SCAMP4: variants seen among roughly 807,000 people sequenced by gnomAD.
SCAMP4 encodes the protein secretory carrier-associated membrane protein 4.
Under a neutral mutation model 32.1 loss-of-function variants are expected in SCAMP4, and 19 were observed. The ratio of observed to expected loss-of-function variants is 0.59; its 90% CI spans 0.41 to 0.87. The LOEUF is 0.87. Ranked by LOEUF, SCAMP4 falls within the 40% of genes least tolerant of loss-of-function variation. The probability of loss-of-function intolerance (pLI) is 0.00; values close to 1 mark genes in which losing one functional copy is unlikely to be tolerated. For missense variants in SCAMP4, 302 were observed against 309.0 expected (o/e 0.98, Z 0.17); for synonymous variants, 152 against 132.7 (o/e 1.15, Z -1.00).
chr19:1,917,636 T>C (rs2013775782), intron 2 of SCAMP4, 58 bp from the exon 3 acceptor site: 1 of 1,606,952 alleles, frequency 6.2e-7, no homozygotes, highest in East Asian at 2.2e-5. Context: ...AGGGATGAGG[T>C]GGGGCCTCCT....
At chr19:1,920,876 G>A (rs529825982) in intron 5 of SCAMP4, 2 of 985,476 alleles carry the variant, frequency 2.0e-6, no homozygotes, top group Admixed American at 6.1e-5. Flanking sequence ...GTGACCCTCA[G>A]AGACCTCCCT....
At chr19:1,921,962 G>A in intron 5 of SCAMP4, 1 of 985,514 alleles carries the variant, frequency 1.0e-6, no homozygotes, top group Non-Finnish European at 1.2e-6. Flanking sequence ...CACGCCCCGT[G>A]CATGTGTGTG....
chr19:1,912,352 GC>G, intron 1 of SCAMP4: 1 of 1,529,184 alleles, frequency 6.5e-7, no homozygotes, highest in Admixed American at 2.0e-5. Flanking sequence ...GATGCCGGCA[GC>G]CCCCACGCCC....
intron 5 of SCAMP4, chr19:1,921,959 C>G: frequency 1.0e-6 from 1 of 985,482 alleles, no homozygotes; most frequent in Non-Finnish European, 1.2e-6. Flanking sequence ...TATCACGCCC[C>G]GTGCATGTGT....
At chr19:1,921,479 G>A (rs946852954) in intron 5 of SCAMP4, 20 of 985,286 alleles carry the variant, frequency 2.0e-5, no homozygotes, top group Middle Eastern at 5.2e-4. Flanking sequence ...GCCAGGAATC[G>A]GACATCAGCG....
Position 1,918,946 on chromosome 19 carries a change from C to T in SCAMP4, c.351C>T (p.Val117=). 1 of 1,612,522 alleles carries T rather than the reference C, an allele frequency of 6.2e-7. No homozygotes were observed. The highest frequency in any genetic ancestry group is 2.2e-5 in the East Asian group (1 of 44,848). Residue 117 remains valine (V), a synonymous_variant, in exon 5 of 7, where the codon GTC becomes GTT. Transcript: ENST00000316097. Reference sequence around the variant, plus strand: ...TCTTCATCTTCGGAGCCCAGTTTGTCCTGACCGTCATCCAGGCGATTGGCT... The same window carrying T: ...TCTTCATCTTCGGAGCCCAGTTTGTTCTGACCGTCATCCAGGCGATTGGCT... ...AFFFIFGAQF[V]LTVIQAIGFS... is the part of the protein sequence containing the mutation.
chr19:1,912,422 C>T, intron 1 of SCAMP4: 1 of 1,512,118 alleles, frequency 6.6e-7, no homozygotes, highest in South Asian at 1.2e-5. Context: ...TGGCTGAGCT[C>T]CTGCCACGGC....
intron 1 of SCAMP4, chr19:1,905,691 C>G (rs995430398): frequency 6.5e-5 from 10 of 154,220 alleles, no homozygotes; most frequent in African/African-American, 2.4e-4. Flanking sequence ...TCCCCCGGGC[C>G]TAGCGCCTTT....
Position 1,924,218 on chromosome 19 carries a change from C to G in SCAMP4, c.624C>G (p.Phe208Leu). The G allele has an allele frequency of 1.2e-6, 2 of 1,608,544 alleles. No individual in the cohort carries two copies. The highest frequency in any genetic ancestry group is 2.2e-5 in the South Asian group (2 of 90,132). Reference sequence around the variant, plus strand: ...CGAGGGAGGCCCAGTACAACAACTTCTCAGGCAACAGCCTGCCCGAGTACC... The same window carrying G: ...CGAGGGAGGCCCAGTACAACAACTTGTCAGGCAACAGCCTGCCCGAGTACC... ...PPSREAQYNNFSGNSLPEYPT... is the reference protein window; with the variant it reads ...PPSREAQYNNLSGNSLPEYPT... The change falls in exon 7 of 7, where the codon TTC becomes TTG. Residue 208 changes from phenylalanine (F) to leucine (L), a missense_variant. Transcript: ENST00000316097.
chr19:1,911,222 G>A (rs1217991013), intron 1 of SCAMP4, among the ~76,000 whole-genome samples: 1 of 151,628 alleles, frequency 6.6e-6, no homozygotes, highest in Non-Finnish European at 1.5e-5. Context: ...GCCAGGCTGG[G>A]GTACAGTGGC....
chr19:1,917,767 C>T lies in SCAMP4; in HGVS notation c.81C>T (p.Asp27=), dbSNP rs374026220. 39 of 1,613,880 alleles carry T rather than the reference C, an allele frequency of 2.4e-5. No homozygotes were observed. Among genetic ancestry groups the T allele is most frequent in the Non-Finnish European group, 3.1e-5 (37 of 1,179,858 alleles). Reference sequence around the variant, plus strand: ...CCTGCTTCTACCAGAACTTCTCCGACGAGATCCCAGTGGAGCACCAGGTCC... The same window carrying T: ...CCTGCTTCTACCAGAACTTCTCCGATGAGATCCCAGTGGAGCACCAGGTCC... ...VKPCFYQNFS[D]EIPVEHQVLV... is the part of the protein sequence containing the mutation. The change falls in exon 3 of 7, where the codon GAC becomes GAT. Residue 27 remains aspartate, a synonymous_variant. Coordinates refer to ENST00000316097, the MANE Select transcript of SCAMP4 (RefSeq NM_079834.4).
chr19:1,906,680 C>A (rs1166163764), intron 1 of SCAMP4: 3 of 149,724 alleles, frequency 2.0e-5, no homozygotes, highest in Non-Finnish European at 4.4e-5. Context: ...GAAACCCTGT[C>A]TCTACTAAAA....
In SCAMP4 at chr19:1,924,983, C is replaced by T. The variant is rs934314707; in HGVS notation, c.*699C>T. 1.3e-5 allele frequency: 2 copies of T among 152,334 alleles called. No individual in the cohort carries two copies. The highest frequency in any genetic ancestry group is 6.5e-5 in the Admixed American group (1 of 15,270). 9.4% of individuals were successfully genotyped at this position (152,334 alleles called of 1,614,324 possible). ...CTTTCCACGCCCCTGAGTTCAGAGT[C>T]GGGGACCCAGGCCAGGTCGGGAGCA... On this transcript the variant is annotated 3_prime_UTR_variant, in exon 7 of 7. Transcript: ENST00000316097.
Position 1,920,315 on chromosome 19 carries a change from C to T in SCAMP4, c.395+1325C>T, listed in dbSNP as rs931414540. Reference sequence around the variant, plus strand: ...ATTAGCAAGCTCCTGTTCTGGGGTTCCTGCCCCACAAGACTGCGGTACTCT... The same window carrying T: ...ATTAGCAAGCTCCTGTTCTGGGGTTTCTGCCCCACAAGACTGCGGTACTCT... On this transcript the variant is annotated intron_variant, in intron 5 of 6. Coordinates refer to ENST00000316097, the MANE Select transcript of SCAMP4 (RefSeq NM_079834.4). 3.7e-5 allele frequency: 36 copies of T among 984,700 alleles called. No homozygotes were observed. The African/African-American group carries it at 5.8e-4, about 16-fold the overall frequency. The allele number at this position is 984,700 out of a possible 1,614,324, so 61.0% of individuals were successfully genotyped here. A position where few individuals can be genotyped will look rare whatever the true frequency, so the allele number is the denominator to read the frequency against.
chr19:1,907,229 C>G (rs947301211), intron 1 of SCAMP4: 1 of 151,342 alleles, frequency 6.6e-6, no homozygotes, highest in Non-Finnish European at 1.5e-5. Context: ...TGCCCTGGAA[C>G]TGAGCATTAG....
intron 1 of SCAMP4, chr19:1,913,402 G>A (rs2013607156): frequency 5.0e-6 from 3 of 601,278 alleles, no homozygotes; most frequent in East Asian, 3.0e-5. Flanking sequence ...TCTGTCTCGC[G>A]GGCCGGGAAA....
chr19:1,910,791 G>C (rs1007776251), intron 1 of SCAMP4, among the ~76,000 whole-genome samples: 4 of 151,732 alleles, frequency 2.6e-5, no homozygotes, highest in African/African-American at 9.7e-5. Context: ...TGGTCAGGCT[G>C]GTCTCGATCT....
chr19:1,917,178 C>T (rs1262059187), intron 2 of SCAMP4, among the ~76,000 whole-genome samples: 3 of 152,046 alleles, frequency 2.0e-5, no homozygotes, highest in Admixed American at 6.5e-5. Flanking sequence ...TGGTGGTGGG[C>T]GCCTGTAATC....
At chr19:1,920,884 C>G in intron 5 of SCAMP4, 1 of 985,520 alleles carries the variant, frequency 1.0e-6, no homozygotes, top group Non-Finnish European at 1.2e-6. Flanking sequence ...CAGAGACCTC[C>G]CTGCCCCCTC....
Sources: allele counts gnomAD v4.1 joint callset (sites outside exome capture counted in the v4.1 genomes callset), GRCh38; gene constraint gnomAD v4.1.1; transcripts MANE v1.5; gene names NCBI Gene and HGNC (gene_info 2026-07-23, HGNC 2026-07-21).